The following MACROD2 variants were observed in gnomAD, a reference collection of about 807,000 sequenced individuals.
MACROD2 encodes the protein mono-ADP ribosylhydrolase 2, also known as ADP-ribose glycohydrolase MACROD2.
A neutral mutation model predicts 70.4 loss-of-function variants in MACROD2; 36 were observed. The ratio of observed to expected loss-of-function variants is 0.51; its 90% CI spans 0.39 to 0.68. The LOEUF (loss-of-function observed/expected upper bound fraction) is 0.68. MACROD2 is among the 30% of genes least tolerant of loss of function. The pLI, the probability that MACROD2 is intolerant of heterozygous loss-of-function variation, is 0.00. For missense variants in MACROD2, 496 were observed against 538.4 expected, an observed-to-expected ratio of 0.92 and a Z score of 0.78; for synonymous variants, 172 against 178.8, an observed-to-expected ratio of 0.96 and a Z score of 0.30.
intron 8 of MACROD2, among the ~76,000 whole-genome samples, chr20:15,745,105 T>A (rs2051163019): frequency 6.6e-6 from 1 of 152,250 alleles, no homozygotes; most frequent in African/African-American, 2.4e-5. Context: ...AATTTTCCAC[T>A]GTGTACATAT....
chr20:14,326,740 T>G lies in MACROD2; in HGVS notation c.272-166739T>G. ...TGGGGGCACCCGATTGATGTGGTTATCTTGAAGATAAAGCTTCCTCAGGTT... is the reference window on the plus strand; with the variant it reads ...TGGGGGCACCCGATTGATGTGGTTAGCTTGAAGATAAAGCTTCCTCAGGTT... On this transcript the variant is annotated intron_variant, in intron 3 of 17. Coordinates refer to ENST00000684519, the MANE Select transcript of MACROD2 (RefSeq NM_001351661.2). This position sits in a 1 kb window ranked among gnomAD's most constrained non-coding sequence, Gnocchi z 5.5. The G allele has an allele frequency of 6.2e-7, 1 of 1,613,830 alleles. No homozygotes were observed. Among genetic ancestry groups the G allele is most frequent in the Non-Finnish European group, 8.5e-7 (1 of 1,179,840 alleles).
At chr20:15,794,552 C>A (rs1215867347) in intron 8 of MACROD2, among the ~76,000 whole-genome samples, 1 of 152,104 alleles carries the variant, frequency 6.6e-6, no homozygotes, top group Non-Finnish European at 1.5e-5. Context: ...CATTTTTTCT[C>A]CTTTCCCCTA....
chr20:16,003,113 CACACACACAA>C (rs1265063285), intron 15 of MACROD2, among the ~76,000 whole-genome samples: 13 of 139,008 alleles, frequency 9.4e-5, no homozygotes, highest in Admixed American at 3.6e-4. Flanking sequence ...CACACACACA[CACACACACAA>C]ACAATCTCTA....
intron 8 of MACROD2, among the ~76,000 whole-genome samples, chr20:15,831,757 C>T (rs1213968344): frequency 6.6e-6 from 1 of 152,100 alleles, no homozygotes; most frequent in African/African-American, 2.4e-5. Flanking sequence ...CTGTTGTGAC[C>T]TAGTCACTCC....
Position 14,698,317 on chromosome 20 carries a change from G to A in MACROD2, c.418+13358G>A, listed in dbSNP as rs143755512. Among the ~76,000 whole-genome samples, 74 of 152,266 alleles carry A rather than the reference G, an allele frequency of 4.9e-4. No homozygotes were observed. The East Asian group carries it at 0.01, about 21-fold the overall frequency. On this transcript the variant is annotated intron_variant, in intron 5 of 17. Coordinates refer to ENST00000684519, the MANE Select transcript of MACROD2 (RefSeq NM_001351661.2). ...CTAGGCTCAAACTCAGGCTCTGGACGTGGGCAAGTTGTTTAACCTCTTTGT... is the reference window on the plus strand; with the variant it reads ...CTAGGCTCAAACTCAGGCTCTGGACATGGGCAAGTTGTTTAACCTCTTTGT...
intron 2 of MACROD2, among the ~76,000 whole-genome samples, chr20:14,004,320 A>G (rs971670770): frequency 6.6e-6 from 1 of 152,216 alleles, no homozygotes; most frequent in Non-Finnish European, 1.5e-5. Context: ...CTGCCTCCCA[A>G]TATGAGCTTT....
chr20:14,221,905 G>A (rs1170266432), intron 3 of MACROD2, among the ~76,000 whole-genome samples: 1 of 152,166 alleles, frequency 6.6e-6, no homozygotes, highest in Non-Finnish European at 1.5e-5. Context: ...TAAGAGAAAT[G>A]CAAATTAAAA....
rs1163651693 is a variant in MACROD2 at position 15,334,138 on chromosome 20, C to T, written c.541-97267C>T. 1.3e-5 allele frequency among the ~76,000 whole-genome samples: 2 copies of T among 151,572 alleles called. 1 individual carries two copies. The highest frequency in any genetic ancestry group is 4.9e-5 in the African/African-American group (2 of 40,952). On this transcript the variant is annotated intron_variant, in intron 6 of 17. Coordinates refer to ENST00000684519, the MANE Select transcript of MACROD2 (RefSeq NM_001351661.2). ...ATGAGCAAACTGAAGGCTTCTTTGC[C>T]TCCTAGTATATGGGTCTTTTATTTC...
intron 3 of MACROD2, among the ~76,000 whole-genome samples, chr20:14,258,246 A>G (rs905804755): frequency 6.6e-6 from 1 of 152,136 alleles, no homozygotes; most frequent in Non-Finnish European, 1.5e-5. Flanking sequence ...CTCTGGGTAG[A>G]TGCCCAGTAG....
chr20:14,669,845 A>C (rs559318792), intron 4 of MACROD2, among the ~76,000 whole-genome samples: 43 of 152,062 alleles, frequency 2.8e-4, no homozygotes, highest in African/African-American at 9.6e-4. Flanking sequence ...TGTGCCTTGC[A>C]ACTACGCCTA....
At chr20:15,468,071 TTA>T (rs2046917827) in intron 7 of MACROD2, among the ~76,000 whole-genome samples, 1 of 152,204 alleles carries the variant, frequency 6.6e-6, no homozygotes, top group South Asian at 2.1e-4. Context: ...ATGGCAAATT[TTA>T]TGTTTTCCTC....
intron 3 of MACROD2, among the ~76,000 whole-genome samples, chr20:14,140,281 A>C (rs2054852933): frequency 6.6e-6 from 1 of 152,214 alleles, no homozygotes; most frequent in African/African-American, 2.4e-5. Context: ...ATGAATTTGC[A>C]TTTACTGTTT....
chr20:14,339,647 T>G (rs2122656761), intron 3 of MACROD2, among the ~76,000 whole-genome samples: 1 of 152,172 alleles, frequency 6.6e-6, no homozygotes, highest in Admixed American at 6.5e-5. Context: ...AGTTTGGAGG[T>G]TTCCCTTCTC....
intron 5 of MACROD2, among the ~76,000 whole-genome samples, chr20:14,769,109 CA>C (rs2072131150): frequency 6.6e-6 from 1 of 151,976 alleles, no homozygotes. Context: ...GATGAGCTTA[CA>C]AAAAGAGATA....
At chr20:14,874,345 G>T (rs2122437995) in intron 5 of MACROD2, among the ~76,000 whole-genome samples, 1 of 147,486 alleles carries the variant, frequency 6.8e-6, no homozygotes, top group Admixed American at 6.8e-5. Flanking sequence ...CCTTTTTTAA[G>T]AGTGTATTTG....
intron 5 of MACROD2, among the ~76,000 whole-genome samples, chr20:15,152,704 G>A (rs1192940860): frequency 1.3e-5 from 2 of 151,966 alleles, no homozygotes; most frequent in African/African-American, 4.8e-5. Context: ...TGCCGCTAAG[G>A]GTGAAGGACC....
Position 14,326,485 on chromosome 20 carries a change from C to T in MACROD2, c.272-166994C>T, listed in dbSNP as rs944637009. The T allele has an allele frequency of 3.7e-6, 6 of 1,613,892 alleles. No homozygotes were observed. The highest frequency in any genetic ancestry group is 2.2e-5 in the East Asian group (1 of 44,868). The stretch of plus-strand genomic sequence containing the variant: ...ATTGAGATCCTTAATAGCCATCCCA[C>T]GAACCTTTTCTGGGGCTTGGCACAT... On this transcript the variant is annotated intron_variant, in intron 3 of 17. Coordinates refer to ENST00000684519, the MANE Select transcript of MACROD2 (RefSeq NM_001351661.2). This position sits in a 1 kb window ranked among gnomAD's most constrained non-coding sequence, Gnocchi z 5.5.
At chr20:14,802,623 T>C (rs1298857942) in intron 5 of MACROD2, among the ~76,000 whole-genome samples, 1 of 152,064 alleles carries the variant, frequency 6.6e-6, no homozygotes, top group African/African-American at 2.4e-5. Flanking sequence ...ATAATATGCA[T>C]ACCTTCTATG....
chr20:14,072,065 A>C (rs1310532322), intron 2 of MACROD2, among the ~76,000 whole-genome samples: 1 of 152,264 alleles, frequency 6.6e-6, no homozygotes, highest in African/African-American at 2.4e-5. Flanking sequence ...ATACATGATT[A>C]ATATCTGCAA....
Sources: gnomAD v4.1 joint callset for allele counts (sites outside exome capture counted in the v4.1 genomes callset) on GRCh38, gnomAD v4.1.1 for gene constraint, Gnocchi (gnomAD v3.1) non-coding constraint, MANE v1.5 for transcripts, NCBI Gene and HGNC (gene_info 2026-07-23, HGNC 2026-07-21) for gene names.